RBFOX1: variants seen among roughly 807,000 people sequenced by gnomAD.
The protein encoded by RBFOX1 is RNA binding protein fox-1 homolog 1.
In RBFOX1, 8 loss-of-function variants were observed where a neutral mutation model predicts 57.7. The ratio of observed to expected loss-of-function variants is 0.14; its 90% confidence interval spans 0.08 to 0.25. The LOEUF is 0.25. Ranked by LOEUF, RBFOX1 falls within the 10% of genes least tolerant of loss-of-function variation. The pLI, the probability that RBFOX1 is intolerant of heterozygous loss-of-function variation, is 1.00. For synonymous variants in RBFOX1, 326 were observed against 222.4 expected (o/e 1.47, Z -4.15); for missense variants, 611 against 548.5 (o/e 1.11, Z -1.14).
At chr16:5,564,399 T>C (rs914077554) in intron 2 of RBFOX1, among the ~76,000 whole-genome samples, 1 of 152,190 alleles carries the variant, frequency 6.6e-6, no homozygotes, top group Non-Finnish European at 1.5e-5. Flanking sequence ...GTTGAATTTT[T>C]GTCTCCTCCC....
chr16:7,180,499 T>G (rs1003715481), intron 4 of RBFOX1, among the ~76,000 whole-genome samples: 3 of 152,270 alleles, frequency 2.0e-5, no homozygotes, highest in East Asian at 3.9e-4. Flanking sequence ...GCACTAGTAT[T>G]CATTTATCTG....
intron 10 of RBFOX1, among the ~76,000 whole-genome samples, chr16:7,627,664 G>C (rs1161094988): frequency 6.6e-6 from 1 of 152,108 alleles, no homozygotes; most frequent in Non-Finnish European, 1.5e-5. Context: ...TTACCTATTT[G>C]ACTTACTTTT....
intron 4 of RBFOX1, among the ~76,000 whole-genome samples, chr16:7,260,155 A>G (rs1470257516): frequency 6.6e-6 from 1 of 152,216 alleles, no homozygotes; most frequent in Non-Finnish European, 1.5e-5. Context: ...TAACACTTTT[A>G]TACAGAAATC....
At chr16:6,804,391 C>A (rs911306970) in intron 3 of RBFOX1, among the ~76,000 whole-genome samples, 3 of 152,070 alleles carry the variant, frequency 2.0e-5, no homozygotes, top group Non-Finnish European at 2.9e-5. Flanking sequence ...TCCCTAATGC[C>A]CCATCTAGCC....
intron 3 of RBFOX1, among the ~76,000 whole-genome samples, chr16:6,658,936 G>GTT (rs764621530): frequency 1.8e-5 from 2 of 108,486 alleles, no homozygotes; most frequent in Non-Finnish European, 4.1e-5. Context: ...TGGTTTTTTT[G>GTT]TTTTTTTTGT....
intron 1 of RBFOX1, among the ~76,000 whole-genome samples, chr16:5,449,560 C>T (rs979876200): frequency 1.3e-5 from 2 of 152,142 alleles, no homozygotes; most frequent in African/African-American, 2.4e-5. Context: ...TGGCCCCATG[C>T]TTTCTGTGCA....
At chr16:5,358,963 A>G (rs894020477) in intron 1 of RBFOX1, among the ~76,000 whole-genome samples, 5 of 151,952 alleles carry the variant, frequency 3.3e-5, no homozygotes, top group African/African-American at 9.7e-5. Flanking sequence ...TCCACCCTCC[A>G]TTACCCTTCC....
chr16:6,415,866 TAAG>T (rs1292510767), intron 2 of RBFOX1, among the ~76,000 whole-genome samples: 3 of 152,122 alleles, frequency 2.0e-5, no homozygotes, highest in Non-Finnish European at 4.4e-5. Flanking sequence ...GTGTGAAAAA[TAAG>T]AAACATTTTC....
chr16:6,215,304 G>C (rs1369656056), intron 1 of RBFOX1, among the ~76,000 whole-genome samples: 1 of 143,844 alleles, frequency 7.0e-6, no homozygotes, highest in East Asian at 2.1e-4. Flanking sequence ...AGGGAGAGAG[G>C]GAGAGGTAGA....
chr16:5,575,046 C>T (rs554375905), intron 2 of RBFOX1, among the ~76,000 whole-genome samples: 1 of 152,268 alleles, frequency 6.6e-6, no homozygotes, highest in Non-Finnish European at 1.5e-5. Context: ...ATAATCAGGG[C>T]CATTCACCTT....
intron 4 of RBFOX1, among the ~76,000 whole-genome samples, chr16:7,117,684 A>G (rs1354157455): frequency 2.0e-5 from 3 of 152,206 alleles, no homozygotes; most frequent in African/African-American, 7.2e-5. Flanking sequence ...GCTTAACACA[A>G]CACTCTTTTG....
intron 3 of RBFOX1, among the ~76,000 whole-genome samples, chr16:5,828,309 A>T (rs1463224926): frequency 1.3e-5 from 2 of 152,226 alleles, no homozygotes; most frequent in African/African-American, 4.8e-5. Flanking sequence ...TACTGTGATA[A>T]GAGCTGCAAA....
At chr16:6,781,679 A>T (rs2081046724) in intron 3 of RBFOX1, among the ~76,000 whole-genome samples, 2 of 152,008 alleles carry the variant, frequency 1.3e-5, no homozygotes, top group South Asian at 4.1e-4. Flanking sequence ...GAATTTATCC[A>T]TTTCTTCCAG....
intron 2 of RBFOX1, among the ~76,000 whole-genome samples, chr16:6,389,861 T>A (rs11644088): frequency 0.31 from 47,500 of 152,074 alleles, 8,481 homozygotes; most frequent in South Asian, 0.61. Context: ...GTATTTGGGA[T>A]AATAGGATTG....
At chr16:7,182,271 C>T (rs8045774) in intron 4 of RBFOX1, among the ~76,000 whole-genome samples, 93,784 of 151,938 alleles carry the variant, frequency 0.62, 29,252 homozygotes, top group African/African-American at 0.69. Context: ...AGTGATGCTC[C>T]TCTATAGGGA....
At chr16:7,523,917 T>G (rs1195780784) in intron 5 of RBFOX1, among the ~76,000 whole-genome samples, 1 of 152,192 alleles carries the variant, frequency 6.6e-6, no homozygotes, top group East Asian at 1.9e-4. Context: ...TTGTCTTCAC[T>G]CCAGGTTCTG....
rs1371927672 is a variant in RBFOX1, at chr16:6,848,026, C to G, written c.-16+193376C>G. Among the ~76,000 whole-genome samples the G allele has an allele frequency of 2.6e-5, 4 of 152,028 alleles. No individual in the cohort carries two copies. The East Asian group carries it at 5.8e-4, about 22-fold the overall frequency. On this transcript the variant is annotated intron_variant, in intron 3 of 15. Transcript: ENST00000550418. ...TTTATTTTTAATAGAGACACGGGGT[C>G]TTACCATGTTGGCCAGGCTGGTCTC...
chr16:7,626,435 C>T (rs1279296980), intron 10 of RBFOX1, among the ~76,000 whole-genome samples: 2 of 152,194 alleles, frequency 1.3e-5, no homozygotes, highest in African/African-American at 4.8e-5. Context: ...GGCTGTGGGA[C>T]ATCTTGCCAG....
intron 2 of RBFOX1, among the ~76,000 whole-genome samples, chr16:5,573,110 G>A (rs2046340599): frequency 6.6e-6 from 1 of 152,164 alleles, no homozygotes; most frequent in Non-Finnish European, 1.5e-5. Context: ...GGATGGAGAT[G>A]ACGAGAATTG....
Sources: allele counts gnomAD v4.1 joint callset (sites outside exome capture counted in the v4.1 genomes callset), GRCh38; gene constraint gnomAD v4.1.1; transcripts MANE v1.5; gene names NCBI Gene and HGNC (gene_info 2026-07-23, HGNC 2026-07-21).